Variants in IDO2 observed in about 807,000 individuals in gnomAD.
IDO2 encodes the protein indoleamine 2,3-dioxygenase-like 1 protein.
IDO2 carries 46 observed loss-of-function variants against 45.1 expected under a neutral mutation model. The observed-to-expected ratio is 1.02, with a 90% CI of 0.80 to 1.30. The LOEUF (loss-of-function observed/expected upper bound fraction) is 1.30, where lower values mean the gene tolerates loss of function less well. IDO2 is among the 50% of genes most tolerant of loss of function. The probability of loss-of-function intolerance (pLI) is 0.00; values close to 1 mark genes in which losing one functional copy is unlikely to be tolerated. For missense variants in IDO2, 544 were observed against 491.8 expected, an observed-to-expected ratio of 1.11 and a Z score of -1.00; for synonymous variants, 218 against 184.9, an observed-to-expected ratio of 1.18 and a Z score of -1.45.
chr8:39,961,870 C>A (rs1439667127), intron 2 of IDO2, among the ~76,000 whole-genome samples: 1 of 152,052 alleles, frequency 6.6e-6, no homozygotes. Flanking sequence ...CTTCTTAGCC[C>A]AAAAATTCAA....
intron 8 of IDO2, among the ~76,000 whole-genome samples, chr8:40,004,605 C>T (rs1802192366): frequency 6.6e-6 from 1 of 151,618 alleles, no homozygotes; most frequent in Admixed American, 6.6e-5. Context: ...GAAACAGAGA[C>T]ACAGTGATCT....
At chr8:40,004,633 G>T (rs999204456) in intron 8 of IDO2, among the ~76,000 whole-genome samples, 3 of 152,112 alleles carry the variant, frequency 2.0e-5, no homozygotes, top group Admixed American at 6.6e-5. Context: ...ATAGGCATAT[G>T]CCAGGTGACA....
chr8:39,945,112 G>A (rs551015723), intron 1 of IDO2, among the ~76,000 whole-genome samples: 6 of 152,328 alleles, frequency 3.9e-5, no homozygotes, highest in Non-Finnish European at 8.8e-5. Context: ...AATTTGAAAA[G>A]GAGAGGTTTC....
intron 8 of IDO2, 30 bp from the exon 9 acceptor site, chr8:40,005,297 G>A (rs2129595352): frequency 1.3e-6 from 2 of 1,537,524 alleles, no homozygotes; most frequent in East Asian, 4.5e-5. Context: ...TTTGCCTGTA[G>A]TAAAGTTCAC....
chr8:40,015,120 A>C (rs1193726763), intron 10 of IDO2, 127 bp from the exon 11 acceptor site: 2 of 618,636 alleles, frequency 3.2e-6, no homozygotes, highest in East Asian at 2.8e-5. Context: ...ACACCACTGC[A>C]CTCCAGCCTG....
At chr8:40,003,808 A>G (rs917668846) in intron 8 of IDO2, among the ~76,000 whole-genome samples, 8 of 152,182 alleles carry the variant, frequency 5.3e-5, no homozygotes, top group Admixed American at 1.3e-4. Flanking sequence ...TTAGTTTCAC[A>G]TTTGAAAAAA....
At chr8:40,004,424 T>G (rs1025217767) in intron 8 of IDO2, among the ~76,000 whole-genome samples, 1 of 150,014 alleles carries the variant, frequency 6.7e-6, no homozygotes, top group African/African-American at 2.5e-5. Flanking sequence ...AGATAGATGA[T>G]AGATAGAGAG....
At position 39,935,077 on chromosome 8, in the gene IDO2, G is replaced by T; in HGVS notation, c.-159G>T. The T allele has an allele frequency of 3.3e-6, 3 of 896,612 alleles. No homozygotes were observed. In the South Asian group the frequency reaches 3.9e-5, roughly 12 times the overall value. 55.5% of individuals were successfully genotyped at this position (896,612 alleles called of 1,614,324 possible). On this transcript the variant is annotated 5_prime_UTR_variant, in exon 1 of 11. Transcript: ENST00000502986. ...TATAAATATTTTAAAGACAAGGATT[G>T]GATTAGATTTGACATTAGAAATGTA...
chr8:39,941,861 G>A (rs1018443297), intron 1 of IDO2, among the ~76,000 whole-genome samples: 2 of 152,070 alleles, frequency 1.3e-5, no homozygotes, highest in African/African-American at 4.8e-5. Context: ...GAGGCAGAAG[G>A]ATAGCTACAG....
At chr8:39,935,311 A>C (rs1807528547) in intron 1 of IDO2, 93 bp downstream of exon 1, 2 of 1,013,216 alleles carry the variant, frequency 2.0e-6, no homozygotes, top group Non-Finnish European at 3.1e-6. Context: ...TTGGAAAATC[A>C]CTGTTCTCTA....
chr8:40,010,609 G>A (rs1802296179), intron 9 of IDO2, among the ~76,000 whole-genome samples: 2 of 152,160 alleles, frequency 1.3e-5, no homozygotes, highest in Admixed American at 1.3e-4. Flanking sequence ...AGGGCTAAAG[G>A]TGTTGAGAAA....
intron 9 of IDO2, among the ~76,000 whole-genome samples, chr8:40,010,806 G>T (rs184285519): frequency 1.2e-4 from 18 of 152,138 alleles, no homozygotes; most frequent in Admixed American, 5.2e-4. Flanking sequence ...TTGGGGACAC[G>T]GTCATATCAA....
chr8:39,950,992 C>T (rs1585397360), intron 2 of IDO2, among the ~76,000 whole-genome samples: 2 of 149,882 alleles, frequency 1.3e-5, no homozygotes. Context: ...AGTGCCACTG[C>T]ACTCCAGCCT....
intron 9 of IDO2, among the ~76,000 whole-genome samples, chr8:40,009,299 G>A (rs1005456503): frequency 1.3e-5 from 2 of 152,178 alleles, no homozygotes; most frequent in Non-Finnish European, 2.9e-5. Flanking sequence ...ACAGGCATGA[G>A]CCACCACACC....
chr8:39,954,647 C>CTTT, intron 2 of IDO2, among the ~76,000 whole-genome samples: 1 of 134,136 alleles, frequency 7.5e-6, no homozygotes, highest in East Asian at 2.2e-4. Flanking sequence ...ATGTCTCTCT[C>CTTT]TCTTTTTTTT....
chr8:39,995,129 A>ATTCTTCTTC (rs1371082355), intron 8 of IDO2: 2 of 139,920 alleles, frequency 1.4e-5, no homozygotes, highest in African/African-American at 5.5e-5. Context: ...AGCCTATAAA[A>ATTCTTCTTC]TTATTCTTAT....
At chr8:39,956,579 G>A (rs1330146971) in intron 2 of IDO2, among the ~76,000 whole-genome samples, 2 of 152,084 alleles carry the variant, frequency 1.3e-5, no homozygotes, top group African/African-American at 4.8e-5. Flanking sequence ...ATTTTCAAGT[G>A]TATTAGCAAA....
At chr8:40,010,359 TAAGA>T (rs1048345109) in intron 9 of IDO2, among the ~76,000 whole-genome samples, 8 of 152,036 alleles carry the variant, frequency 5.3e-5, no homozygotes, top group Non-Finnish European at 8.8e-5. Context: ...CAGGGGAGAA[TAAGA>T]AAGAGTGAGG....
chr8:40,013,935 T>A lies in IDO2; in HGVS notation c.868+222T>A, dbSNP rs183871907. Among the ~76,000 whole-genome samples, 3 of 152,332 alleles carry A rather than the reference T, an allele frequency of 2.0e-5. No individual in the cohort carries two copies. In the East Asian group the frequency reaches 5.8e-4, roughly 29 times the overall value. On this transcript the variant is annotated intron_variant, in intron 10 of 10. Transcript: ENST00000502986. ...GATCTTGGGTTTTACTTCCAAATCT[T>A]AAAATGTTGCTCTGTTTCCAACTGT...
Sources: gnomAD v4.1 joint callset for allele counts (sites outside exome capture counted in the v4.1 genomes callset) on GRCh38, gnomAD v4.1.1 for gene constraint, MANE v1.5 for transcripts, NCBI Gene and HGNC (gene_info 2026-07-23, HGNC 2026-07-21) for gene names.